Variants in RSPO2 observed in about 807,000 individuals in gnomAD.
RSPO2 encodes the protein R-spondin-2.
Under a neutral mutation model 30.9 loss-of-function variants are expected in RSPO2, and 14 were observed. That is an observed-to-expected ratio of 0.45 (90% CI 0.30 to 0.71). The LOEUF is 0.71. RSPO2 is among the 30% of genes least tolerant of loss of function. RSPO2 has a pLI of 0.08. For synonymous variants in RSPO2, 107 were observed against 96.4 expected (o/e 1.11, Z -0.64); for missense variants, 264 against 301.9 (o/e 0.87, Z 0.93).
intron 2 of RSPO2, among the ~76,000 whole-genome samples, chr8:108,072,734 C>A (rs1812898207): frequency 6.6e-6 from 1 of 151,798 alleles, no homozygotes; most frequent in African/African-American, 2.4e-5. Context: ...GAGACTCAGT[C>A]TCAAAAAAAT....
chr8:108,002,054 A>T (rs887452772), intron 2 of RSPO2, among the ~76,000 whole-genome samples: 5 of 152,122 alleles, frequency 3.3e-5, no homozygotes, highest in African/African-American at 9.6e-5. Context: ...AAAGTATAAT[A>T]AAAAAAAGTT....
chr8:108,028,934 C>T (rs781450719), intron 2 of RSPO2, among the ~76,000 whole-genome samples: 1 of 142,664 alleles, frequency 7.0e-6, no homozygotes, highest in Non-Finnish European at 1.5e-5. Flanking sequence ...ACATTCATAA[C>T]TGAGTGAACA....
In RSPO2 at chr8:108,017,198, T is replaced by C. The variant is rs575389848; in HGVS notation, c.95-27954A>G. Among the ~76,000 whole-genome samples the C allele has an allele frequency of 2.0e-4, 30 of 152,112 alleles. No homozygotes were observed. The South Asian group carries it at 6.2e-3, about 32-fold the overall frequency. On this transcript the variant is annotated intron_variant, in intron 2 of 5. Transcript: ENST00000276659. Reference sequence around the variant, plus strand: ...CACCCAGCTAATTTTTTTGTATTTTTAGTAGAGACGGGGTTTCACCGTGTT... The same window carrying C: ...CACCCAGCTAATTTTTTTGTATTTTCAGTAGAGACGGGGTTTCACCGTGTT...
chr8:108,042,696 C>T (rs1811794380), intron 2 of RSPO2, among the ~76,000 whole-genome samples: 1 of 152,100 alleles, frequency 6.6e-6, no homozygotes, highest in African/African-American at 2.4e-5. Flanking sequence ...GGAGGATTCA[C>T]TAATGGTAAG....
chr8:108,060,994 T>C (rs1168783323), intron 2 of RSPO2, among the ~76,000 whole-genome samples: 1 of 151,792 alleles, frequency 6.6e-6, no homozygotes, highest in Non-Finnish European at 1.5e-5. Flanking sequence ...TGAGAGATTC[T>C]GTCACCACCA....
intron 5 of RSPO2, among the ~76,000 whole-genome samples, chr8:107,916,278 G>T (rs1390025906): frequency 1.3e-5 from 2 of 152,090 alleles, no homozygotes; most frequent in Non-Finnish European, 2.9e-5. Context: ...TTAAAAAATT[G>T]TTCAATATAC....
intron 5 of RSPO2, among the ~76,000 whole-genome samples, chr8:107,956,890 G>A (rs1195790049): frequency 6.6e-6 from 1 of 152,138 alleles, no homozygotes; most frequent in East Asian, 1.9e-4. Flanking sequence ...TATTTTGACT[G>A]AAAAATACCT....
rs200850030 is a variant in RSPO2 at position 107,948,859 on chromosome 8, C to CAAAA, written c.616+9217_616+9220dup. Among the ~76,000 whole-genome samples the CAAAA allele has an allele frequency of 2.1e-3, 305 of 145,650 alleles. 3 individuals carry two copies. Among genetic ancestry groups the CAAAA allele is most frequent in the African/African-American group, 7.4e-3 (289 of 39,088 alleles). ...TGGGCAACAGAGCAAGACTCCATCTCAAAAAAAAAATAAATAAATAAATAA... is the reference window on the plus strand; with the variant it reads ...TGGGCAACAGAGCAAGACTCCATCTCAAAAAAAAAAAAAATAAATAAATAAATAA... On this transcript the variant is annotated intron_variant, in intron 5 of 5. Coordinates refer to ENST00000276659, the MANE Select transcript of RSPO2 (RefSeq NM_178565.5).
At chr8:108,065,670 A>C (rs1346965921) in intron 2 of RSPO2, among the ~76,000 whole-genome samples, 1 of 152,030 alleles carries the variant, frequency 6.6e-6, no homozygotes, top group Non-Finnish European at 1.5e-5. Flanking sequence ...AAAAAAAAAA[A>C]AAAAAAACTT....
chr8:108,020,734 A>AGGAACAT (rs1232554971), intron 2 of RSPO2, among the ~76,000 whole-genome samples: 4 of 152,192 alleles, frequency 2.6e-5, no homozygotes, highest in Admixed American at 2.0e-4. Flanking sequence ...TAACCTATAA[A>AGGAACAT]GGAACATGCA....
chr8:107,906,234 A>T (rs1407485966), intron 5 of RSPO2, among the ~76,000 whole-genome samples: 1 of 151,960 alleles, frequency 6.6e-6, no homozygotes, highest in Non-Finnish European at 1.5e-5. Flanking sequence ...AGGGATCTTT[A>T]ATACTGAAAA....
intron 2 of RSPO2, among the ~76,000 whole-genome samples, chr8:108,044,682 T>A (rs1217742522): frequency 6.6e-6 from 1 of 152,188 alleles, no homozygotes; most frequent in African/African-American, 2.4e-5. Context: ...TACATGTGCA[T>A]GTGTCTTTTT....
At chr8:108,054,834 C>T (rs1812192646) in intron 2 of RSPO2, among the ~76,000 whole-genome samples, 1 of 152,166 alleles carries the variant, frequency 6.6e-6, no homozygotes, top group South Asian at 2.1e-4. Context: ...CGGAAAAGGG[C>T]TGGGCAGGGT....
At chr8:108,003,295 ATATATATATATATATATTTTTTT>A (rs1815323332) in intron 2 of RSPO2, among the ~76,000 whole-genome samples, 2 of 27,446 alleles carry the variant, frequency 7.3e-5, no homozygotes, top group African/African-American at 3.0e-4. Context: ...ATATATATAT[ATATATATATATATATATTTTTTT>A]TTTTTTTTTT....
At chr8:108,038,343 G>GAGTTGCTTCTTATGGATAAGCAAAGAAA in intron 2 of RSPO2, among the ~76,000 whole-genome samples, 1 of 152,188 alleles carries the variant, frequency 6.6e-6, no homozygotes, top group South Asian at 2.1e-4. Flanking sequence ...AATGGATGAG[G>GAGTTGCTTCTTATGGATAAGCAAAGAAA]AGTTGCTTCT....
At chr8:107,945,022 G>A (rs1157960951) in intron 5 of RSPO2, among the ~76,000 whole-genome samples, 1 of 151,896 alleles carries the variant, frequency 6.6e-6, no homozygotes, top group Non-Finnish European at 1.5e-5. Flanking sequence ...GCCCCATGCT[G>A]TCTTTAAGAT....
chr8:107,982,009 CAAAAAAAAAAAA>C (rs372977834), intron 3 of RSPO2, among the ~76,000 whole-genome samples: 8 of 55,382 alleles, frequency 1.4e-4, no homozygotes, highest in African/African-American at 4.0e-4. Context: ...ACAACAACAA[CAAAAAAAAAAAA>C]AAAAAAAAAA....
chr8:108,032,122 C>A (rs1402709600), intron 2 of RSPO2, among the ~76,000 whole-genome samples: 1 of 152,110 alleles, frequency 6.6e-6, no homozygotes, highest in Non-Finnish European at 1.5e-5. Flanking sequence ...AGTATAACAT[C>A]TTGCACACTT....
intron 2 of RSPO2, among the ~76,000 whole-genome samples, chr8:108,075,084 C>A (rs535856282): frequency 8.5e-5 from 13 of 152,316 alleles, no homozygotes; most frequent in South Asian, 2.1e-4. Flanking sequence ...GCAAATACCA[C>A]TTTCTTTTAT....
Sources: gnomAD v4.1 joint callset for allele counts (sites outside exome capture counted in the v4.1 genomes callset) on GRCh38, gnomAD v4.1.1 for gene constraint, MANE v1.5 for transcripts, NCBI Gene and HGNC (gene_info 2026-07-23, HGNC 2026-07-21) for gene names.